The following CRADD variants were observed in gnomAD, a reference collection of about 807,000 sequenced individuals.
CRADD encodes the protein CARD and death domain containing adaptor protein, also known as death domain-containing protein CRADD.
A neutral mutation model predicts 15.5 loss-of-function variants in CRADD; 9 were observed. The observed-to-expected ratio is 0.58, with a 90% CI of 0.35 to 1.01. CRADD has a LOEUF of 1.01. CRADD is among the 50% of genes least tolerant of loss of function. The probability of loss-of-function intolerance (pLI) is 0.02; values close to 1 mark genes in which losing one functional copy is unlikely to be tolerated. For synonymous variants in CRADD, 118 were observed against 107.6 expected, an observed-to-expected ratio of 1.10 and a Z score of -0.60; for missense variants, 227 against 250.3, an observed-to-expected ratio of 0.91 and a Z score of 0.63.
chr12:93,684,684 C>T (rs536878103), intron 2 of CRADD, among the ~76,000 whole-genome samples: 61 of 152,194 alleles, frequency 4.0e-4, no homozygotes, highest in Non-Finnish European at 7.1e-4. Flanking sequence ...TGGTGAAGAG[C>T]GCTATGAAGA....
chr12:93,772,902 G>C (rs1199246755), intron 2 of CRADD, among the ~76,000 whole-genome samples: 1 of 152,184 alleles, frequency 6.6e-6, no homozygotes, highest in East Asian at 1.9e-4. Context: ...TTGCAACTGG[G>C]AAGGGTACCC....
intron 2 of CRADD, chr12:93,859,375 A>G (rs751241698): frequency 2.2e-6 from 1 of 456,026 alleles, no homozygotes; most frequent in South Asian, 1.5e-5. Flanking sequence ...TTTCTACCCC[A>G]TCCCACTGAG....
chr12:93,728,103 T>C (rs1430170501), intron 2 of CRADD, among the ~76,000 whole-genome samples: 1 of 152,236 alleles, frequency 6.6e-6, no homozygotes, highest in Non-Finnish European at 1.5e-5. Flanking sequence ...TGGGTACATA[T>C]TACGTGTTCA....
intron 2 of CRADD, among the ~76,000 whole-genome samples, chr12:93,846,278 T>G (rs939840360): frequency 2.0e-5 from 3 of 152,184 alleles, no homozygotes; most frequent in African/African-American, 7.2e-5. Flanking sequence ...TGCATTCAAT[T>G]CTTTTGAGTA....
At chr12:93,861,421 G>C (rs1384800463) in intron 2 of CRADD, among the ~76,000 whole-genome samples, 1 of 152,248 alleles carries the variant, frequency 6.6e-6, no homozygotes, top group Non-Finnish European at 1.5e-5. Context: ...TCTCCTTCAG[G>C]AATTAAACAT....
chr12:93,684,353 C>T (rs78341148), intron 2 of CRADD, among the ~76,000 whole-genome samples: 38,311 of 151,826 alleles, frequency 0.25, 5,177 homozygotes, highest in East Asian at 0.41. Flanking sequence ...ATAAGGAGTG[C>T]GCGACCTCGA....
intron 2 of CRADD, among the ~76,000 whole-genome samples, chr12:93,706,940 T>C (rs1054199361): frequency 1.3e-5 from 2 of 152,226 alleles, no homozygotes; most frequent in Admixed American, 6.5e-5. Context: ...TGAAAAAATA[T>C]GTATAATTTG....
At chr12:93,686,307 A>AAAAAAT in intron 2 of CRADD, among the ~76,000 whole-genome samples, 1 of 148,996 alleles carries the variant, frequency 6.7e-6, no homozygotes, top group Non-Finnish European at 1.5e-5. Flanking sequence ...TCCCCCCCAA[A>AAAAAAT]AAAAAAAAAA....
Position 93,679,045 on chromosome 12 carries a change from G to C in CRADD, c.271G>C (p.Glu91Gln), listed in dbSNP as rs1184578280. 2 of 1,613,920 alleles carry C rather than the reference G, an allele frequency of 1.2e-6. No individual in the cohort carries two copies. Among genetic ancestry groups the C allele is most frequent in the Admixed American group, 1.7e-5 (1 of 60,002 alleles). The change falls in exon 2 of 3, where the codon GAA (glutamate) becomes CAA (glutamine). Residue 91 changes from glutamate (E) to glutamine (Q), a missense_variant. By Grantham distance (29) the Glu-to-Gln change is conservative. Coordinates refer to ENST00000332896, the MANE Select transcript of CRADD (RefSeq NM_003805.5). ...WVREKLKKAR[E>Q]EAMTDLPAGD... ...CAGGGAGAAGCTGAAGAAGGCAAGG[G>C]AAGAGGCCATGACCGACCTGCCTGC...
chr12:93,741,555 T>G (rs1956667174), intron 2 of CRADD, among the ~76,000 whole-genome samples: 1 of 152,198 alleles, frequency 6.6e-6, no homozygotes, highest in Non-Finnish European at 1.5e-5. Flanking sequence ...CCAAAATTCT[T>G]TAAATATGAA....
At chr12:93,875,331 G>A (rs1958450734) in intron 2 of CRADD, among the ~76,000 whole-genome samples, 1 of 151,728 alleles carries the variant, frequency 6.6e-6, no homozygotes, top group East Asian at 1.9e-4. Flanking sequence ...CATATTAATG[G>A]GTCTTGTTTT....
intron 2 of CRADD, among the ~76,000 whole-genome samples, chr12:93,806,466 A>C (rs1044381370): frequency 4.0e-5 from 6 of 149,798 alleles, no homozygotes; most frequent in Non-Finnish European, 7.4e-5. Flanking sequence ...AAAAAAAAAA[A>C]AAAAAACAAA....
At chr12:93,678,670 A>G in intron 1 of CRADD, 99 bp from the exon 2 acceptor site, 1 of 1,281,050 alleles carries the variant, frequency 7.8e-7, no homozygotes, top group Non-Finnish European at 1.1e-6. Context: ...TATGGTTTAA[A>G]GATGTGCTTG....
chr12:93,829,426 C>T (rs1038483314), intron 2 of CRADD, among the ~76,000 whole-genome samples: 4 of 152,084 alleles, frequency 2.6e-5, no homozygotes, highest in East Asian at 1.9e-4. Flanking sequence ...CTTTCTCATG[C>T]GTGGTAGGAG....
At position 93,754,792 on chromosome 12, in the gene CRADD, C is replaced by T. The variant is rs188694957; in HGVS notation, c.298+75720C>T. On this transcript the variant is annotated intron_variant, in intron 2 of 2. Coordinates refer to ENST00000332896, the MANE Select transcript of CRADD (RefSeq NM_003805.5). ...CCTGTCTTCTGAGGAAGACATTTTC[C>T]TATCTTCTTCTTAGCCCTCCAAACT... Among the ~76,000 whole-genome samples the T allele has an allele frequency of 2.3e-3, 346 of 152,262 alleles. 1 individual carries two copies. Among genetic ancestry groups the T allele is most frequent in the African/African-American group, 7.9e-3 (327 of 41,556 alleles).
chr12:93,816,560 CT>C (rs1371390270), intron 2 of CRADD, among the ~76,000 whole-genome samples: 1 of 152,106 alleles, frequency 6.6e-6, no homozygotes, highest in African/African-American at 2.4e-5. Flanking sequence ...TTTTATGCTT[CT>C]TTTATACTAA....
chr12:93,888,772 A>G (rs565410884), intron 2 of CRADD, among the ~76,000 whole-genome samples: 2 of 152,322 alleles, frequency 1.3e-5, no homozygotes, highest in East Asian at 3.9e-4. Flanking sequence ...GACAGATTCA[A>G]GAGCTCCTTA....
rs141957249 is a variant in CRADD at position 93,759,350 on chromosome 12, A to G, written c.298+80278A>G. On this transcript the variant is annotated intron_variant, in intron 2 of 2. Coordinates refer to ENST00000332896, the MANE Select transcript of CRADD (RefSeq NM_003805.5). ...TTAAAAAGAGTTGCATATATGAATA[A>G]TAATAAAACCTTCACCCAGCTTTCT... Among the ~76,000 whole-genome samples, 930 of 152,272 alleles carry G rather than the reference A, an allele frequency of 6.1e-3. 12 individuals are homozygous for G. The highest frequency in any genetic ancestry group is 0.021 in the African/African-American group (886 of 41,544).
intron 2 of CRADD, among the ~76,000 whole-genome samples, chr12:93,810,584 A>AGCGC (rs1957613336): frequency 7.1e-6 from 1 of 140,270 alleles, no homozygotes; most frequent in East Asian, 2.0e-4. Flanking sequence ...AAAAAAAAAA[A>AGCGC]AAAAAAAGAA....
Sources: gnomAD v4.1 joint callset for allele counts (sites outside exome capture counted in the v4.1 genomes callset) on GRCh38, gnomAD v4.1.1 for gene constraint, MANE v1.5 for transcripts, NCBI Gene and HGNC (gene_info 2026-07-23, HGNC 2026-07-21) for gene names.